The following SOX5 variants were observed in gnomAD, a reference collection of about 807,000 sequenced individuals.
The protein encoded by SOX5 is transcription factor SOX-5.
SOX5 carries 9 observed loss-of-function variants against 92.0 expected under a neutral mutation model. The ratio of observed to expected loss-of-function variants is 0.10; its 90% CI spans 0.06 to 0.17. The LOEUF (loss-of-function observed/expected upper bound fraction) is 0.17. SOX5 is among the 10% of genes least tolerant of loss of function. The pLI, the probability that SOX5 is intolerant of heterozygous loss-of-function variation, is 1.00. For synonymous variants in SOX5, 344 were observed against 336.3 expected (o/e 1.02, Z -0.25); for missense variants, 642 against 944.5 (o/e 0.68, Z 4.20).
chr12:23,595,401 T>C (rs556561168), intron 9 of SOX5, among the ~76,000 whole-genome samples: 20 of 152,120 alleles, frequency 1.3e-4, no homozygotes, highest in African/African-American at 4.8e-4. Flanking sequence ...GGCCGGCGGA[T>C]CATGAGGTCA....
At chr12:23,982,636 A>T (rs1353100890) in intron 4 of SOX5, among the ~76,000 whole-genome samples, 1 of 152,090 alleles carries the variant, frequency 6.6e-6, no homozygotes, top group Non-Finnish European at 1.5e-5. Flanking sequence ...ACTAACTCTT[A>T]AAGTAGAATT....
At position 23,805,457 on chromosome 12, in the gene SOX5, T is replaced by G. The variant is rs566725110; in HGVS notation, c.481+40526A>C. ...GAAAAAAAAACATATGCTCAATAAA[T>G]GTTATCTACTGTTATCAAAAAGTAG... On this transcript the variant is annotated intron_variant, in intron 3 of 14. Transcript: ENST00000451604. Among the ~76,000 whole-genome samples, 11 of 152,262 alleles carry G rather than the reference T, an allele frequency of 7.2e-5. No homozygotes were observed. The South Asian group carries it at 2.3e-3, about 31-fold the overall frequency.
rs1050364198 is a variant in SOX5 at position 23,829,269 on chromosome 12, C to T, written c.481+16714G>A. ...TTAATATGCACGGTCCTGACAAGTG[C>T]CTCAAGGGTAACTGAGTGAAAAACA... On this transcript the variant is annotated intron_variant, in intron 3 of 14. Coordinates refer to ENST00000451604, the MANE Select transcript of SOX5 (RefSeq NM_006940.6). Among the ~76,000 whole-genome samples, 3 of 152,230 alleles carry T rather than the reference C, an allele frequency of 2.0e-5. No homozygotes were observed. In the East Asian group the frequency reaches 5.8e-4, roughly 29 times the overall value.
chr12:24,081,707 TGGA>T (rs1472903321), intron 4 of SOX5, among the ~76,000 whole-genome samples: 3 of 152,106 alleles, frequency 2.0e-5, no homozygotes, highest in East Asian at 1.9e-4. Context: ...TTTTACTAAA[TGGA>T]GGAGAATAGT....
intron 8 of SOX5, among the ~76,000 whole-genome samples, chr12:23,629,522 T>C (rs763823217): frequency 3.3e-5 from 5 of 152,010 alleles, no homozygotes; most frequent in Admixed American, 6.6e-5. Context: ...TAAGTTTTGC[T>C]TAGCAGCAGA....
At chr12:24,017,392 T>C (rs902551170) in intron 4 of SOX5, among the ~76,000 whole-genome samples, 3 of 151,920 alleles carry the variant, frequency 2.0e-5, no homozygotes, top group African/African-American at 4.8e-5. Context: ...TGAGGCCAGT[T>C]CAAGACCAGC....
At chr12:23,704,319 T>C (rs769109509) in intron 6 of SOX5, among the ~76,000 whole-genome samples, 4 of 151,862 alleles carry the variant, frequency 2.6e-5, no homozygotes, top group Non-Finnish European at 5.9e-5. Context: ...TTAACCCGAA[T>C]TTAAAATTAA....
intron 1 of SOX5, among the ~76,000 whole-genome samples, chr12:24,429,137 G>A (rs1937709519): frequency 6.6e-6 from 1 of 152,044 alleles, no homozygotes; most frequent in Admixed American, 6.6e-5. Flanking sequence ...CTAACACGGT[G>A]AAACCCTGTC....
intron 2 of SOX5, among the ~76,000 whole-genome samples, chr12:24,293,116 C>T (rs112015058): frequency 0.012 from 1,757 of 152,272 alleles, 27 homozygotes; most frequent in African/African-American, 0.04. Flanking sequence ...CAATATATCC[C>T]ACTCAGTCCA....
chr12:23,731,408 T>A (rs551090602), intron 6 of SOX5, among the ~76,000 whole-genome samples: 4 of 152,234 alleles, frequency 2.6e-5, no homozygotes, highest in Admixed American at 6.5e-5. Context: ...CATCCATATC[T>A]ATATCTTCTA....
At chr12:24,551,580 C>T (rs1041593668) in intron 1 of SOX5, among the ~76,000 whole-genome samples, 3 of 152,146 alleles carry the variant, frequency 2.0e-5, no homozygotes, top group Non-Finnish European at 4.4e-5. Flanking sequence ...ATACGGAGAA[C>T]AAAACAGATC....
chr12:24,552,948 C>T (rs1047430280), intron 1 of SOX5, among the ~76,000 whole-genome samples: 11 of 152,016 alleles, frequency 7.2e-5, no homozygotes, highest in Non-Finnish European at 1.0e-4. Flanking sequence ...AGGAGGATCA[C>T]TTGAGCTCGG....
At chr12:24,210,017 C>CAAAAAAAAA (rs1173723179) in intron 4 of SOX5, among the ~76,000 whole-genome samples, 3 of 62,692 alleles carry the variant, frequency 4.8e-5, no homozygotes, top group African/African-American at 6.3e-5. Context: ...GACTCCGTCT[C>CAAAAAAAAA]AAAAAAAAAA....
intron 2 of SOX5, among the ~76,000 whole-genome samples, chr12:24,360,074 TG>T (rs1447867540): frequency 2.0e-5 from 3 of 152,342 alleles, no homozygotes; most frequent in Middle Eastern, 3.4e-3. Context: ...AGAATCTTTT[TG>T]TTATCCACAG....
intron 2 of SOX5, among the ~76,000 whole-genome samples, chr12:24,278,223 A>G (rs1407309047): frequency 6.6e-6 from 1 of 152,162 alleles, no homozygotes; most frequent in Non-Finnish European, 1.5e-5. Flanking sequence ...GAATAGTTTT[A>G]TTACCATACT....
At chr12:23,534,704 C>CTTTTTTTTTTTTTTTTTTT (rs60460683) in intron 14 of SOX5, among the ~76,000 whole-genome samples, 182 bp from the exon 15 acceptor site, 13 of 108,840 alleles carry the variant, frequency 1.2e-4, no homozygotes, top group Non-Finnish European at 1.3e-4. Flanking sequence ...CTTTTCTTTT[C>CTTTTTTTTTTTTTTTTTTT]TTTTTTTTTT....
chr12:24,490,966 A>G (rs1947005290), intron 1 of SOX5, among the ~76,000 whole-genome samples: 1 of 152,196 alleles, frequency 6.6e-6, no homozygotes, highest in African/African-American at 2.4e-5. Context: ...TATTCAAAAT[A>G]AGAGGTGAGG....
intron 4 of SOX5, among the ~76,000 whole-genome samples, chr12:24,140,662 T>C (rs1438102519): frequency 1.3e-5 from 2 of 152,116 alleles, no homozygotes; most frequent in Admixed American, 1.3e-4. Context: ...AAAACAAAGA[T>C]AGAAAATTCT....
At position 23,762,406 on chromosome 12, in the gene SOX5, C is replaced by A. The variant is rs544002630; in HGVS notation, c.482-6682G>T. On this transcript the variant is annotated intron_variant, in intron 3 of 14. Coordinates refer to ENST00000451604, the MANE Select transcript of SOX5 (RefSeq NM_006940.6). ...CCTGGGCAATGTAGCAAGATTCCCC[C>A]CTCTAAAAAATTCGTAATATAACAC... The A allele has an allele frequency of 1.9e-5, 7 of 378,372 alleles. No individual in the cohort carries two copies. In the Admixed American group the frequency reaches 3.2e-4, roughly 17 times the overall value. The allele number at this position is 378,372 out of a possible 1,614,324, so 23.4% of individuals were successfully genotyped here.
Sources: allele counts gnomAD v4.1 joint callset (sites outside exome capture counted in the v4.1 genomes callset), GRCh38; gene constraint gnomAD v4.1.1; transcripts MANE v1.5; gene names NCBI Gene and HGNC (gene_info 2026-07-23, HGNC 2026-07-21).